Variants in ZFP69B observed in about 807,000 individuals in gnomAD.
ZFP69B encodes the protein zinc finger protein 69 homolog B.
Under a neutral mutation model 19.7 loss-of-function variants are expected in ZFP69B, and 20 were observed. The observed-to-expected ratio is 1.02, with a 90% CI of 0.71 to 1.48. ZFP69B has a LOEUF of 1.48. Ranked by LOEUF, ZFP69B falls within the 40% of genes most tolerant of loss-of-function variation. ZFP69B has a pLI of 0.00. For synonymous variants in ZFP69B, 220 were observed against 222.7 expected, an observed-to-expected ratio of 0.99 and a Z score of 0.11; for missense variants, 583 against 632.6, an observed-to-expected ratio of 0.92 and a Z score of 0.84.
At chr1:40,455,223 A>G (rs942831875) in intron 2 of ZFP69B, among the ~76,000 whole-genome samples, 3 of 152,226 alleles carry the variant, frequency 2.0e-5, no homozygotes, top group African/African-American at 7.2e-5. Flanking sequence ...AACTGATAGC[A>G]TTGGCAAAGC....
chr1:40,463,259 T>TA lies in ZFP69B; in HGVS notation c.1279dup (p.Thr427AsnfsTer5). On this transcript the variant is annotated frameshift_variant, in exon 5 of 5. Transcript: ENST00000361584. LOFTEE classifies it low-confidence loss of function (END_TRUNC). ...AACCCTATATTTGTAATGTATGTAG[T>TA]AAAACCTTCAGCCATAGTACATACC... The TA allele has an allele frequency of 6.2e-7, 1 of 1,614,076 alleles. No individual in the cohort carries two copies. The highest frequency in any genetic ancestry group is 8.5e-7 in the Non-Finnish European group (1 of 1,179,992).
intron 4 of ZFP69B, among the ~76,000 whole-genome samples, chr1:40,461,267 C>T (rs1437300357): frequency 6.6e-6 from 1 of 150,504 alleles, no homozygotes; most frequent in Non-Finnish European, 1.5e-5. Flanking sequence ...TTCACATATA[C>T]ATTTTGGTGG....
chr1:40,461,216 A>T (rs1645281884), intron 4 of ZFP69B, among the ~76,000 whole-genome samples: 1 of 151,262 alleles, frequency 6.6e-6, no homozygotes, highest in Non-Finnish European at 1.5e-5. Flanking sequence ...TTTTTTTTTA[A>T]CAGATGTATA....
At chr1:40,453,341 T>C (rs755308969) in intron 1 of ZFP69B, among the ~76,000 whole-genome samples, 1 of 152,170 alleles carries the variant, frequency 6.6e-6, no homozygotes, top group African/African-American at 2.4e-5. Flanking sequence ...TGTAGCACTT[T>C]AGCAGATGGA....
Position 40,463,180 on chromosome 1 carries a change from C to T in ZFP69B, c.1196C>T (p.Ala399Val), listed in dbSNP as rs1645308097. The T allele has an allele frequency of 1.9e-6, 3 of 1,613,988 alleles. No homozygotes were observed. Among genetic ancestry groups the T allele is most frequent in the South Asian group, 1.1e-5 (1 of 91,072 alleles). Reference sequence around the variant, plus strand: ...TTTACATGCAAAGACTGTGGAAAAGCGTTTTTCCAGATTAGACACCTTAGG... The same window carrying T: ...TTTACATGCAAAGACTGTGGAAAAGTGTTTTTCCAGATTAGACACCTTAGG... ...KPFTCKDCGK[A>V]FFQIRHLRQH... Residue 399 changes from alanine (A) to valine (V), a missense_variant, in exon 5 of 5, where the codon GCG becomes GTG. Transcript: ENST00000361584.
chr1:40,462,719 T>C lies in ZFP69B; in HGVS notation c.735T>C (p.Leu245=). The change falls in exon 5 of 5, where the codon CTT becomes CTC. Residue 245 remains leucine, a synonymous_variant. Transcript: ENST00000361584. The part of the protein sequence containing the change: ...KSEVMPGPIG[L]PRKRDRKYDT... The stretch of plus-strand genomic sequence containing the variant: ...AAGTTATGCCAGGACCAATAGGTCT[T>C]CCAAGAAAAAGAGATCGTAAATATG... The C allele has an allele frequency of 6.2e-7, 1 of 1,614,048 alleles. No individual in the cohort carries two copies. The highest frequency in any genetic ancestry group is 1.1e-5 in the South Asian group (1 of 91,078).
At position 40,463,489 on chromosome 1, in the gene ZFP69B, C is replaced by G; in HGVS notation, c.1505C>G (p.Pro502Arg). ...KHQRIHTGEK[P>R]YDCNECGKAF... ...CAGAGAATTCATACTGGAGAAAAAC[C>G]TTATGATTGTAATGAGTGTGGAAAA... Residue 502 changes from proline to arginine, a missense_variant, in exon 5 of 5, where the codon CCT (proline) becomes CGT (arginine). Pro to Arg is a moderately radical substitution (Grantham distance 103). Coordinates refer to ENST00000361584, the MANE Select transcript of ZFP69B (RefSeq NM_023070.3). 1 of 1,614,112 alleles carries G rather than the reference C, an allele frequency of 6.2e-7. No individual in the cohort carries two copies. The highest frequency in any genetic ancestry group is 8.5e-7 in the Non-Finnish European group (1 of 1,179,996).
At chr1:40,457,818 C>T (rs745677993) in intron 4 of ZFP69B, among the ~76,000 whole-genome samples, 18 of 152,178 alleles carry the variant, frequency 1.2e-4, no homozygotes, top group Non-Finnish European at 4.4e-5. Flanking sequence ...ATTTTACCAT[C>T]GGTTTCACTG....
chr1:40,462,549 A>G lies in ZFP69B; in HGVS notation c.565A>G (p.Ile189Val). Residue 189 changes from isoleucine to valine, a missense_variant, in exon 5 of 5, where the codon ATC becomes GTC. Ile to Val is a conservative substitution (Grantham distance 29). Transcript: ENST00000361584. Reference protein sequence around the residue: ...GSSMYSTLGRISKCNKLESQQ... With the variant: ...GSSMYSTLGRVSKCNKLESQQ... ...CAGCATGTATTCCACCTTGGGAAGA[A>G]TCTCCAAATGTAATAAGCTAGAAAG... 1.2e-6 allele frequency: 2 copies of G among 1,614,198 alleles called. No homozygotes were observed. Among genetic ancestry groups the G allele is most frequent in the Non-Finnish European group, 1.7e-6 (2 of 1,180,036 alleles).
chr1:40,453,150 G>A (rs1214323797), intron 1 of ZFP69B, among the ~76,000 whole-genome samples: 3 of 151,654 alleles, frequency 2.0e-5, no homozygotes, highest in Non-Finnish European at 2.9e-5. Context: ...TAGTAGAGAC[G>A]GTGTTTTACT....
At chr1:40,458,593 T>G (rs1376720374) in intron 4 of ZFP69B, among the ~76,000 whole-genome samples, 1 of 151,814 alleles carries the variant, frequency 6.6e-6, no homozygotes, top group Admixed American at 6.6e-5. Flanking sequence ...CTCGGCTTAC[T>G]GCAACCTCCA....
rs1425939480 is a variant in ZFP69B, at chr1:40,463,389, C to T, written c.1405C>T (p.His469Tyr). 6.2e-7 allele frequency: 1 copy of T among 1,613,898 alleles called. No individual in the cohort carries two copies. The highest frequency in any genetic ancestry group is 8.5e-7 in the Non-Finnish European group (1 of 1,179,958). Residue 469 changes from histidine (H) to tyrosine (Y), a missense_variant, in exon 5 of 5, where the codon CAT becomes TAT. By Grantham distance (83) the His-to-Tyr change is moderately conservative (BLOSUM62 2). Transcript: ENST00000361584. ...ACATCTTTCTATCCATCAGAGAGTC[C>T]ATACTGGAGTAAAACCTTATGAATG... ...RIHLSIHQRVHTGVKPYECSH... is the reference protein window; with the variant it reads ...RIHLSIHQRVYTGVKPYECSH...
chr1:40,462,477 G>C lies in ZFP69B; in HGVS notation c.493G>C (p.Glu165Gln), dbSNP rs762156801. The C allele has an allele frequency of 6.2e-7, 1 of 1,612,480 alleles. No individual in the cohort carries two copies. Among genetic ancestry groups the C allele is most frequent in the Non-Finnish European group, 8.5e-7 (1 of 1,179,640 alleles). Reference sequence around the variant, plus strand: ...AGCCTTACAGAATGATATTTCGTGGGAAGAACTACATTGTGGCCTAATGAT... The same window carrying C: ...AGCCTTACAGAATGATATTTCGTGGCAAGAACTACATTGTGGCCTAATGAT... ...ESALQNDISW[E>Q]ELHCGLMMER... The change falls in exon 5 of 5, where the codon GAA becomes CAA. Residue 165 changes from glutamate to glutamine, a missense_variant. Glu to Gln is a conservative substitution (Grantham distance 29, BLOSUM62 2). Coordinates refer to ENST00000361584, the MANE Select transcript of ZFP69B (RefSeq NM_023070.3).
rs1645306728 is a variant in ZFP69B, at chr1:40,463,077, T to C, written c.1093T>C (p.Cys365Arg). 1 of 1,614,042 alleles carries C rather than the reference T, an allele frequency of 6.2e-7. No individual in the cohort carries two copies. The change falls in exon 5 of 5, where the codon TGT becomes CGT. Residue 365 changes from cysteine to arginine, a missense_variant. Cys to Arg is a radical substitution (Grantham distance 180, BLOSUM62 -3). Transcript: ENST00000361584. Reference sequence around the variant, plus strand: ...TCATACCGGGGAAAAGCCCTATGAATGTAGGGTATGTGAGAAAGCCTTCAG... The same window carrying C: ...TCATACCGGGGAAAAGCCCTATGAACGTAGGGTATGTGAGAAAGCCTTCAG... ...RIHTGEKPYE[C>R]RVCEKAFSQS... is the part of the protein sequence containing the mutation.
chr1:40,450,442 C>T (rs1485735714), upstream of ZFP69B, among the ~76,000 whole-genome samples: 1 of 152,222 alleles, frequency 6.6e-6, no homozygotes, highest in Non-Finnish European at 1.5e-5. Flanking sequence ...GGCTACTTTA[C>T]ACATAATTAC....
Position 40,454,245 on chromosome 1 carries a change from TAG to T in ZFP69B, c.175_176del (p.Ser59Ter). The stretch of plus-strand genomic sequence containing the variant: ...GCTGATGAGACCCAGGGCGAAAGTT[TAG>T]AGAGTAGAGTGACCCTTGGATCCCT... On this transcript the variant is annotated frameshift_variant, in exon 2 of 5. Transcript: ENST00000361584. LOFTEE classifies it high-confidence loss of function. 1 of 1,605,064 alleles carries T rather than the reference TAG, an allele frequency of 6.2e-7. No individual in the cohort carries two copies. Among genetic ancestry groups the T allele is most frequent in the Admixed American group, 1.7e-5 (1 of 59,572 alleles).
rs983759877 is a variant in ZFP69B at position 40,456,956 on chromosome 1, C to T, written c.225C>T (p.Thr75=). The change falls in exon 3 of 5, where the codon ACC becomes ACT. Residue 75 remains threonine, a synonymous_variant. Coordinates refer to ENST00000361584, the MANE Select transcript of ZFP69B (RefSeq NM_023070.3). ...ATTTGATGTTCTAGGAACTGTTAACCTTCAAGGACGTATCTGTGGACTTCA... is the reference window on the plus strand; with the variant it reads ...ATTTGATGTTCTAGGAACTGTTAACTTTCAAGGACGTATCTGTGGACTTCA... ...SLTAESQELL[T]FKDVSVDFTQ... 6.2e-7 allele frequency: 1 copy of T among 1,613,846 alleles called. No individual in the cohort carries two copies. The highest frequency in any genetic ancestry group is 1.7e-5 in the Admixed American group (1 of 59,928).
chr1:40,460,542 C>A (rs966782020), intron 4 of ZFP69B, among the ~76,000 whole-genome samples: 2 of 152,110 alleles, frequency 1.3e-5, no homozygotes, highest in Non-Finnish European at 2.9e-5. Flanking sequence ...TAAAAAGAGG[C>A]CCTTAAAGAT....
Position 40,462,429 on chromosome 1 carries a change from A to C in ZFP69B, c.445A>C (p.Ser149Arg), listed in dbSNP as rs773022185. ...ISGVPSSDLKSKTKTKESALQ... is the reference protein window; with the variant it reads ...ISGVPSSDLKRKTKTKESALQ... ...TTTATTATTTCTTTCAGACTTGAAG[A>C]GCAAAACAAAAACCAAAGAGTCAGC... The change falls in exon 5 of 5, where the codon AGC (serine) becomes CGC (arginine). Residue 149 changes from serine (S) to arginine (R), a missense_variant. Coordinates refer to ENST00000361584, the MANE Select transcript of ZFP69B (RefSeq NM_023070.3). 3 of 1,580,618 alleles carry C rather than the reference A, an allele frequency of 1.9e-6. No homozygotes were observed. Among genetic ancestry groups the C allele is most frequent in the Non-Finnish European group, 2.6e-6 (3 of 1,169,230 alleles).
Sources: allele counts gnomAD v4.1 joint callset (sites outside exome capture counted in the v4.1 genomes callset), GRCh38; gene constraint gnomAD v4.1.1; transcripts MANE v1.5; gene names NCBI Gene and HGNC (gene_info 2026-07-23, HGNC 2026-07-21).